Variants in ANKRD26 observed in about 807,000 individuals in gnomAD.
The protein encoded by ANKRD26 is ankyrin repeat domain-containing protein 26.
ANKRD26 carries 141 observed loss-of-function variants against 208.7 expected under a neutral mutation model. That is an observed-to-expected ratio of 0.68 (90% CI 0.59 to 0.78). ANKRD26 has a LOEUF of 0.78. Ranked by LOEUF, ANKRD26 falls within the 30% of genes least tolerant of loss-of-function variation. ANKRD26 has a pLI of 0.00. For synonymous variants in ANKRD26, 636 were observed against 660.4 expected (o/e 0.96, Z 0.57); for missense variants, 1,889 against 1,938.7 (o/e 0.97, Z 0.48).
downstream of ANKRD26, among the ~76,000 whole-genome samples, chr10:27,001,455 G>A (rs147245047): frequency 1.3e-4 from 20 of 152,282 alleles, no homozygotes; most frequent in East Asian, 1.5e-3. Context: ...CTTCCAGTCC[G>A]TGGTGAAATG....
At position 27,037,967 on chromosome 10, in the gene ANKRD26, C is replaced by T; in HGVS notation, c.2463G>A (p.Glu821=). ...KIREQLRRKE[E]QYRKEVEVKQ... Reference sequence around the variant, plus strand: ...TCACTTCAACTTCTTTCCTATATTGCTCTTCTTTTCTTCTTAACTGTTCCC... The same window carrying T: ...TCACTTCAACTTCTTTCCTATATTGTTCTTCTTTTCTTCTTAACTGTTCCC... Residue 821 remains glutamate (E), a synonymous_variant, in exon 22 of 34, where the codon GAG becomes GAA. Coordinates refer to ENST00000376087, the MANE Select transcript of ANKRD26 (RefSeq NM_014915.3). 3.1e-6 allele frequency: 5 copies of T among 1,613,066 alleles called. No individual in the cohort carries two copies. Among genetic ancestry groups the T allele is most frequent in the Non-Finnish European group, 4.2e-6 (5 of 1,179,600 alleles).
chr10:27,092,540 T>C, intron 3 of ANKRD26, 28 bp from the exon 4 acceptor site: 1 of 1,506,188 alleles, frequency 6.6e-7, no homozygotes, highest in East Asian at 2.3e-5. Context: ...CAAGTTAAAA[T>C]GCATAAAATT....
intron 3 of ANKRD26, among the ~76,000 whole-genome samples, chr10:26,983,252 A>T (rs2052335419): frequency 6.6e-6 from 1 of 152,194 alleles, no homozygotes; most frequent in Non-Finnish European, 1.5e-5. Context: ...CTGAGTAATC[A>T]TACCATTGGA....
intron 4 of ANKRD26, among the ~76,000 whole-genome samples, chr10:27,090,798 T>A (rs1048824535): frequency 6.6e-6 from 1 of 152,130 alleles, no homozygotes; most frequent in Non-Finnish European, 1.5e-5. Context: ...CTTAAAACAG[T>A]ATTAATAATA....
intron 5 of ANKRD26, among the ~76,000 whole-genome samples, chr10:26,993,372 A>G (rs1231718199): frequency 6.6e-6 from 1 of 152,196 alleles, no homozygotes; most frequent in Non-Finnish European, 1.5e-5. Flanking sequence ...ATGTGGTCAC[A>G]ATGCTTTCCA....
intron 18 of ANKRD26, among the ~76,000 whole-genome samples, chr10:27,044,473 G>A (rs2135297308): frequency 6.7e-6 from 1 of 148,698 alleles, no homozygotes; most frequent in African/African-American, 2.4e-5. Context: ...AAAGCAAAAT[G>A]AAAACATAGT....
chr10:27,054,354 G>T (rs148807527), intron 15 of ANKRD26, among the ~76,000 whole-genome samples: 1 of 152,158 alleles, frequency 6.6e-6, no homozygotes, highest in African/African-American at 2.4e-5. Context: ...GGAGGTCGAG[G>T]TGGGTGGATC....
intron 22 of ANKRD26, 85 bp downstream of exon 22, chr10:27,037,786 G>C (rs1352345974): frequency 8.9e-7 from 1 of 1,129,786 alleles, no homozygotes; most frequent in Non-Finnish European, 1.3e-6. Context: ...TTTAAACCTA[G>C]ATAACATATA....
At chr10:27,028,522 G>A (rs1029022103) in intron 27 of ANKRD26, among the ~76,000 whole-genome samples, 3 of 145,814 alleles carry the variant, frequency 2.1e-5, no homozygotes, top group South Asian at 2.2e-4. Context: ...GCGTGAACCC[G>A]GGAGGCAGAG....
chr10:26,987,527 C>T (rs2052411329), downstream of ANKRD26, among the ~76,000 whole-genome samples: 1 of 152,172 alleles, frequency 6.6e-6, no homozygotes, highest in Admixed American at 6.5e-5. Flanking sequence ...TCCACCCTCT[C>T]CTCTTAAATC....
rs547585731 is a variant in ANKRD26, at chr10:27,083,333, A to C, written c.710-500T>G. On this transcript the variant is annotated intron_variant, in intron 5 of 33. Coordinates refer to ENST00000376087, the MANE Select transcript of ANKRD26 (RefSeq NM_014915.3). The stretch of plus-strand genomic sequence containing the variant: ...CTGATAGCTTTCACAAGGAAAAAAA[A>C]CCCATGCACTCTTAATGTTATTTCT... Among the ~76,000 whole-genome samples the C allele has an allele frequency of 1.7e-4, 26 of 152,196 alleles. No individual in the cohort carries two copies. In the South Asian group the frequency reaches 3.1e-3, roughly 18 times the overall value.
At chr10:26,950,687 A>G in the ANKRD26 span, among the ~76,000 whole-genome samples, 1 of 152,234 alleles carries the variant, frequency 6.6e-6, no homozygotes, top group South Asian at 2.1e-4. Context: ...GGCCTCCCCA[A>G]AAGCTGAGCA....
intron 3 of ANKRD26, among the ~76,000 whole-genome samples, chr10:26,984,187 T>C (rs1316053403): frequency 6.6e-6 from 1 of 152,178 alleles, no homozygotes; most frequent in African/African-American, 2.4e-5. Context: ...AAGATAGCAA[T>C]TGCCAGTATC....
chr10:27,023,905 T>C (rs1470269350), intron 28 of ANKRD26, among the ~76,000 whole-genome samples: 2 of 151,546 alleles, frequency 1.3e-5, no homozygotes, highest in Admixed American at 1.3e-4. Context: ...AGAAGTTTAA[T>C]AACATGTATA....
intron 5 of ANKRD26, among the ~76,000 whole-genome samples, chr10:26,993,073 C>T (rs747555789): frequency 2.0e-5 from 3 of 152,112 alleles, no homozygotes; most frequent in Non-Finnish European, 2.9e-5. Context: ...CCATATAACA[C>T]GTTCAATAGC....
intron 3 of ANKRD26, among the ~76,000 whole-genome samples, chr10:26,986,672 T>C (rs1236896858): frequency 2.0e-5 from 3 of 152,170 alleles, no homozygotes; most frequent in East Asian, 3.9e-4. Flanking sequence ...AAAAGACACA[T>C]GAAAAAATGC....
chr10:27,080,145 A>G (rs1259431736), intron 6 of ANKRD26: 1 of 188,808 alleles, frequency 5.3e-6, no homozygotes, highest in Non-Finnish European at 1.1e-5. Context: ...CAACAGTGCA[A>G]GACTTTGTCT....
At chr10:27,092,993 G>A (rs2056348296) in intron 3 of ANKRD26, among the ~76,000 whole-genome samples, 1 of 152,012 alleles carries the variant, frequency 6.6e-6, no homozygotes, top group Non-Finnish European at 1.5e-5. Context: ...TGAGGCAGGA[G>A]AATTGCTTGA....
At chr10:27,059,828 G>C (rs2054984049) in intron 15 of ANKRD26, among the ~76,000 whole-genome samples, 1 of 151,906 alleles carries the variant, frequency 6.6e-6, no homozygotes, top group South Asian at 2.1e-4. Context: ...CCAGGAGGCG[G>C]AGGCTGCAGT....
Sources: allele counts gnomAD v4.1 joint callset (sites outside exome capture counted in the v4.1 genomes callset), GRCh38; gene constraint gnomAD v4.1.1; transcripts MANE v1.5; gene names NCBI Gene and HGNC (gene_info 2026-07-23, HGNC 2026-07-21).